SHISA9: variants seen among roughly 807,000 people sequenced by gnomAD.
The protein encoded by SHISA9 is protein shisa-9.
Under a neutral mutation model 38.0 loss-of-function variants are expected in SHISA9, and 13 were observed. The observed-to-expected ratio is 0.34, with a 90% confidence interval of 0.22 to 0.54. SHISA9 has a LOEUF of 0.54. SHISA9 is among the 20% of genes least tolerant of loss of function. The probability of loss-of-function intolerance (pLI) is 0.91; values close to 1 mark genes in which losing one functional copy is unlikely to be tolerated. For missense variants in SHISA9, 538 were observed against 575.8 expected (o/e 0.93, Z 0.67); for synonymous variants, 275 against 242.0 (o/e 1.14, Z -1.27).
chr16:12,954,945 A>G (rs553537315), intron 2 of SHISA9, among the ~76,000 whole-genome samples: 2 of 152,248 alleles, frequency 1.3e-5, no homozygotes, highest in East Asian at 1.9e-4. Flanking sequence ...TGCACTCGGT[A>G]TGTGATGGAC....
chr16:12,916,930 TAGA>T, intron 2 of SHISA9, 115 bp downstream of exon 2: 1 of 1,197,492 alleles, frequency 8.4e-7, no homozygotes, highest in Non-Finnish European at 1.1e-6. Flanking sequence ...GTGGGCAAGT[TAGA>T]AGCTTTCTTT....
At chr16:13,318,297 TA>T in the SHISA9 span, among the ~76,000 whole-genome samples, 1 of 151,994 alleles carries the variant, frequency 6.6e-6, no homozygotes, top group South Asian at 2.1e-4. Context: ...CCCTTCCCTT[TA>T]GTTTTAAAAA....
the SHISA9 span, among the ~76,000 whole-genome samples, chr16:13,418,539 G>A: frequency 1.2e-4 from 18 of 152,122 alleles, no homozygotes; most frequent in Non-Finnish European, 1.9e-4. Context: ...CTTCTCCTCC[G>A]TATGACCACA....
chr16:13,479,786 G>A, the SHISA9 span, among the ~76,000 whole-genome samples: 2 of 152,138 alleles, frequency 1.3e-5, no homozygotes, highest in Non-Finnish European at 2.9e-5. Context: ...GTTCACTGGT[G>A]GTTTGGTAAA....
chr16:13,326,720 C>G, the SHISA9 span, among the ~76,000 whole-genome samples: 1 of 150,934 alleles, frequency 6.6e-6, no homozygotes, highest in African/African-American at 2.4e-5. Flanking sequence ...GGCGCCTTCT[C>G]AGAAAAAGAA....
At chr16:13,074,613 T>A (rs549676446) in intron 2 of SHISA9, among the ~76,000 whole-genome samples, 10 of 152,264 alleles carry the variant, frequency 6.6e-5, no homozygotes, top group African/African-American at 2.4e-4. Flanking sequence ...ACTGCTATTT[T>A]TATTGTTATC....
the SHISA9 span, among the ~76,000 whole-genome samples, chr16:13,388,621 T>C: frequency 6.6e-6 from 1 of 152,144 alleles, no homozygotes; most frequent in African/African-American, 2.4e-5. Context: ...TTGGACAGTC[T>C]TTTGTTTGAA....
At chr16:13,113,555 A>G (rs2074000815) in intron 2 of SHISA9, among the ~76,000 whole-genome samples, 1 of 152,238 alleles carries the variant, frequency 6.6e-6, no homozygotes, top group Non-Finnish European at 1.5e-5. Context: ...AATCGGACAG[A>G]AATAGACATT....
the SHISA9 span, among the ~76,000 whole-genome samples, chr16:13,299,095 C>G: frequency 3.9e-5 from 6 of 152,220 alleles, no homozygotes; most frequent in African/African-American, 1.2e-4. Context: ...TGACCTCCAG[C>G]TCATCTAGCA....
chr16:13,270,793 T>G, the SHISA9 span, among the ~76,000 whole-genome samples: 1 of 152,178 alleles, frequency 6.6e-6, no homozygotes, highest in Non-Finnish European at 1.5e-5. Flanking sequence ...TCAAGATATA[T>G]GTACAATAAA....
the SHISA9 span, among the ~76,000 whole-genome samples, chr16:13,417,708 G>A: frequency 6.6e-6 from 1 of 152,190 alleles, no homozygotes; most frequent in Non-Finnish European, 1.5e-5. Context: ...AGCAGATATC[G>A]TCTGCAAAGA....
intron 2 of SHISA9, among the ~76,000 whole-genome samples, chr16:13,136,220 C>A (rs1567223721): frequency 6.6e-6 from 1 of 151,938 alleles, no homozygotes; most frequent in Non-Finnish European, 1.5e-5. Flanking sequence ...GGGCAAGTCA[C>A]TTAACTTGGG....
chr16:12,990,195 G>A (rs2072366646), intron 2 of SHISA9, among the ~76,000 whole-genome samples: 1 of 152,044 alleles, frequency 6.6e-6, no homozygotes, highest in Admixed American at 6.6e-5. Flanking sequence ...TGGGCATTTG[G>A]GTTGATTCCA....
the SHISA9 span, among the ~76,000 whole-genome samples, chr16:13,357,898 C>T: frequency 5.9e-3 from 901 of 152,096 alleles, 14 homozygotes; most frequent in African/African-American, 0.021. Flanking sequence ...AGGCAATGAC[C>T]GGCCATTTAC....
intron 2 of SHISA9, among the ~76,000 whole-genome samples, chr16:12,948,292 A>G (rs78446210): frequency 0.026 from 4,018 of 152,268 alleles, 71 homozygotes; most frequent in African/African-American, 0.044. Context: ...CTCTTGAACT[A>G]TTATATGATA....
intron 2 of SHISA9, among the ~76,000 whole-genome samples, chr16:13,110,256 C>T (rs1241028169): frequency 6.6e-6 from 1 of 152,212 alleles, no homozygotes; most frequent in Non-Finnish European, 1.5e-5. Context: ...ACTAGTCATT[C>T]TGCCAAGCCT....
chr16:13,177,197 C>T (rs1412186267), intron 2 of SHISA9, among the ~76,000 whole-genome samples: 5 of 152,188 alleles, frequency 3.3e-5, no homozygotes, highest in Admixed American at 6.5e-5. Flanking sequence ...TCTCAGAGAA[C>T]ATATTAGCAG....
At chr16:13,163,917 C>G (rs2050615512) in intron 2 of SHISA9, among the ~76,000 whole-genome samples, 1 of 151,974 alleles carries the variant, frequency 6.6e-6, no homozygotes, top group African/African-American at 2.4e-5. Context: ...ATGATCTCAT[C>G]TGCAAATAAA....
intron 2 of SHISA9, among the ~76,000 whole-genome samples, chr16:12,983,697 C>G (rs555331129): frequency 1.8e-4 from 28 of 152,276 alleles, no homozygotes; most frequent in African/African-American, 6.7e-4. Context: ...ACCATGTTAG[C>G]CAGGATGGTC....
Sources: gnomAD v4.1 joint callset for allele counts (sites outside exome capture counted in the v4.1 genomes callset) on GRCh38, gnomAD v4.1.1 for gene constraint, MANE v1.5 for transcripts, NCBI Gene and HGNC (gene_info 2026-07-23, HGNC 2026-07-21) for gene names.